Variants in RGS22 observed in about 807,000 individuals in gnomAD.
RGS22 encodes regulator of G-protein signaling 22.
In RGS22, 148 loss-of-function variants were observed where a neutral mutation model predicts 172.9. The observed-to-expected ratio is 0.86, with a 90% CI of 0.75 to 0.98. The LOEUF (loss-of-function observed/expected upper bound fraction) is 0.98. RGS22 is among the 50% of genes least tolerant of loss of function. The pLI is 0.00. For missense variants in RGS22, 1,347 were observed against 1,440.8 expected, an observed-to-expected ratio of 0.93 and a Z score of 1.05; for synonymous variants, 458 against 480.2, an observed-to-expected ratio of 0.95 and a Z score of 0.60.
chr8:100,060,421 T>TACAC (rs1554629643), intron 9 of RGS22, among the ~76,000 whole-genome samples: 251 of 119,346 alleles, frequency 2.1e-3, no homozygotes, highest in African/African-American at 6.2e-3. Context: ...TATATATATA[T>TACAC]ACACACACAC....
At position 100,020,316 on chromosome 8, in the gene RGS22, C is replaced by T. The variant is rs75044058; in HGVS notation, c.2167-11747G>A. 7.8e-3 allele frequency among the ~76,000 whole-genome samples: 1,189 copies of T among 152,318 alleles called. 22 individuals carry two copies. The highest frequency in any genetic ancestry group is 0.027 in the African/African-American group (1,141 of 41,548). On this transcript the variant is annotated intron_variant, in intron 14 of 27. Transcript: ENST00000360863. The stretch of plus-strand genomic sequence containing the variant: ...ACAAAAGCCATGGCACTATTTCATA[C>T]ACTCTAAAGACAAAAGAAGAAAAAG...
rs185139469 is a variant in RGS22, at chr8:100,032,355, G to A, written c.2166+6576C>T. The stretch of plus-strand genomic sequence containing the variant: ...AGCAAATGGAAAACAAAAAAAAGGA[G>A]GGGTTGCAATCCTAGTCTCTGATAA... On this transcript the variant is annotated intron_variant, in intron 14 of 27. Transcript: ENST00000360863. Among the ~76,000 whole-genome samples the A allele has an allele frequency of 7.1e-3, 1,083 of 152,168 alleles. 12 individuals are homozygous for A. The highest frequency in any genetic ancestry group is 0.025 in the African/African-American group (1,035 of 41,516).
intron 14 of RGS22, among the ~76,000 whole-genome samples, chr8:100,031,549 C>T (rs920121032): frequency 6.6e-6 from 1 of 151,948 alleles, no homozygotes; most frequent in Admixed American, 6.6e-5. Context: ...TCCTCCTTCC[C>T]ATTTCTTACT....
chr8:100,101,703 C>T (rs1055865063), intron 2 of RGS22, among the ~76,000 whole-genome samples: 5 of 151,588 alleles, frequency 3.3e-5, no homozygotes, highest in African/African-American at 1.2e-4. Flanking sequence ...GTGTCCCTAA[C>T]AAACAAATAA....
intron 6 of RGS22, among the ~76,000 whole-genome samples, chr8:100,068,593 A>G (rs1810712045): frequency 2.0e-5 from 3 of 152,160 alleles, no homozygotes; most frequent in African/African-American, 7.2e-5. Context: ...CTATGAGTAC[A>G]TATTTTTTAG....
intron 10 of RGS22, among the ~76,000 whole-genome samples, chr8:100,052,471 T>G (rs1180646657): frequency 6.6e-6 from 1 of 151,416 alleles, no homozygotes; most frequent in Non-Finnish European, 1.5e-5. Flanking sequence ...CCTGCTAATT[T>G]TTTGTATTTT....
At position 99,998,999 on chromosome 8, in the gene RGS22, A is replaced by T. The variant is rs953836476; in HGVS notation, c.2949+263T>A. ...AGCAAGACTCCATCTCTTCAAAAAA[A>T]TTTTTTTCAATTAGCTGGGCATGGT... On this transcript the variant is annotated intron_variant, in intron 19 of 27. Coordinates refer to ENST00000360863, the MANE Select transcript of RGS22 (RefSeq NM_015668.5). Among the ~76,000 whole-genome samples the T allele has an allele frequency of 4.6e-5, 7 of 151,946 alleles. No individual in the cohort carries two copies. In the South Asian group the frequency reaches 6.2e-4, roughly 14 times the overall value.
chr8:100,075,733 G>C (rs1811298979), intron 4 of RGS22, among the ~76,000 whole-genome samples: 1 of 152,198 alleles, frequency 6.6e-6, no homozygotes, highest in African/African-American at 2.4e-5. Context: ...ATACTCTTGA[G>C]TATATACCTA....
chr8:99,984,928 G>A (rs750003978), intron 21 of RGS22, among the ~76,000 whole-genome samples: 4 of 151,946 alleles, frequency 2.6e-5, no homozygotes, highest in African/African-American at 4.8e-5. Flanking sequence ...CATTTTTAAC[G>A]GCTAGAGAAT....
chr8:100,051,814 T>TATATATAA (rs1554626372), intron 10 of RGS22, among the ~76,000 whole-genome samples: 1 of 32,448 alleles, frequency 3.1e-5, no homozygotes, highest in African/African-American at 1.2e-4. Flanking sequence ...TATAAATGTT[T>TATATATAA]ATATATATTT....
At chr8:99,965,230 T>C (rs1045349289) in intron 24 of RGS22, 105 bp downstream of exon 24, 3 of 627,622 alleles carry the variant, frequency 4.8e-6, no homozygotes, top group Non-Finnish European at 5.4e-6. Context: ...GTAGGCTTAT[T>C]TTCAAACAAA....
At chr8:100,015,095 G>A (rs1816804456) in intron 14 of RGS22, among the ~76,000 whole-genome samples, 1 of 152,166 alleles carries the variant, frequency 6.6e-6, no homozygotes. Context: ...CAATGTGGAA[G>A]AACTCCATAT....
At chr8:100,101,536 G>A (rs754118513) in intron 2 of RGS22, among the ~76,000 whole-genome samples, 5 of 143,098 alleles carry the variant, frequency 3.5e-5, no homozygotes, top group African/African-American at 1.3e-4. Context: ...TTCATGATCC[G>A]CCCACCTTGA....
chr8:100,105,365 G>C lies in RGS22; in HGVS notation c.54+9C>G, dbSNP rs1456266110. The C allele has an allele frequency of 6.2e-6, 10 of 1,603,576 alleles. No homozygotes were observed. The highest frequency in any genetic ancestry group is 1.7e-4 in the Middle Eastern group (1 of 6,044). The stretch of plus-strand genomic sequence containing the variant: ...AAAGAAAAAAATAGCCCCTTGAAAT[G>C]ATACTTACAAATTCTTCTTCTGTAA... On this transcript the variant is annotated intron_variant, in intron 2 of 27. Coordinates refer to ENST00000360863, the MANE Select transcript of RGS22 (RefSeq NM_015668.5).
At chr8:100,045,882 G>A (rs922507972) in intron 11 of RGS22, among the ~76,000 whole-genome samples, 1 of 151,636 alleles carries the variant, frequency 6.6e-6, no homozygotes, top group Non-Finnish European at 1.5e-5. Context: ...ATAGAGCAAT[G>A]TATAAGAATA....
intron 2 of RGS22, among the ~76,000 whole-genome samples, chr8:100,095,578 C>T (rs974153244): frequency 2.3e-4 from 35 of 152,122 alleles, no homozygotes; most frequent in African/African-American, 8.5e-4. Context: ...ATTGCAATCC[C>T]AATTTTTTGT....
chr8:100,104,329 C>CAT (rs1554642609), intron 2 of RGS22, among the ~76,000 whole-genome samples: 1 of 140,358 alleles, frequency 7.1e-6, no homozygotes, highest in Non-Finnish European at 1.5e-5. Flanking sequence ...AAAATATGTG[C>CAT]GTGTGTGTGT....
At chr8:100,009,443 A>G (rs1816122236) in intron 14 of RGS22, among the ~76,000 whole-genome samples, 1 of 151,690 alleles carries the variant, frequency 6.6e-6, no homozygotes. Flanking sequence ...AAAAAAAAAA[A>G]AGAGTGAATG....
At chr8:100,044,823 A>T (rs987887958) in intron 11 of RGS22, among the ~76,000 whole-genome samples, 2 of 152,018 alleles carry the variant, frequency 1.3e-5, no homozygotes, top group Non-Finnish European at 2.9e-5. Context: ...CTTGTAATTG[A>T]TCTCTCTCCT....
Sources: gnomAD v4.1 joint callset for allele counts (sites outside exome capture counted in the v4.1 genomes callset) on GRCh38, gnomAD v4.1.1 for gene constraint, MANE v1.5 for transcripts, NCBI Gene and HGNC (gene_info 2026-07-23, HGNC 2026-07-21) for gene names.